The following B3GALT1 variants were observed in gnomAD, a reference collection of about 807,000 sequenced individuals.
The protein encoded by B3GALT1 is UDP-Gal:betaGlcNAc beta 1,3-galactosyltransferase, polypeptide 1.
B3GALT1 carries 10 observed loss-of-function variants against 23.2 expected under a neutral mutation model. That is an observed-to-expected ratio of 0.43 (90% CI 0.27 to 0.73). The LOEUF (loss-of-function observed/expected upper bound fraction) is 0.73. B3GALT1 is among the 30% of genes least tolerant of loss of function. B3GALT1 has a pLI of 0.21. For synonymous variants in B3GALT1, 156 were observed against 141.5 expected (o/e 1.10, Z -0.73); for missense variants, 299 against 405.4 (o/e 0.74, Z 2.25).
chr2:167,574,992 A>T (rs1684356944), intron 2 of B3GALT1, among the ~76,000 whole-genome samples: 1 of 151,698 alleles, frequency 6.6e-6, no homozygotes, highest in Admixed American at 6.6e-5. Context: ...TTACAGCATA[A>T]TGTCTCTAGA....
chr2:167,482,408 T>C (rs1037810599), intron 1 of B3GALT1, among the ~76,000 whole-genome samples: 4 of 152,200 alleles, frequency 2.6e-5, no homozygotes, highest in African/African-American at 9.7e-5. Flanking sequence ...TTAAAATAAA[T>C]TAACTCTTTC....
chr2:167,326,944 C>A (rs1484710928), intron 1 of B3GALT1, among the ~76,000 whole-genome samples: 5 of 152,078 alleles, frequency 3.3e-5, no homozygotes, highest in Non-Finnish European at 7.4e-5. Context: ...CCTGCCTCAG[C>A]CTCCCAAAGT....
At chr2:167,506,378 C>G (rs1699918705) in intron 2 of B3GALT1, among the ~76,000 whole-genome samples, 1 of 152,138 alleles carries the variant, frequency 6.6e-6, no homozygotes, top group South Asian at 2.1e-4. Context: ...AAATTAAATA[C>G]TTCTTAAAAA....
intron 2 of B3GALT1, among the ~76,000 whole-genome samples, chr2:167,582,802 T>A (rs540444857): frequency 6.6e-6 from 1 of 152,150 alleles, no homozygotes; most frequent in Non-Finnish European, 1.5e-5. Context: ...GAGGCTGATG[T>A]AATCCACGGT....
intron 1 of B3GALT1, among the ~76,000 whole-genome samples, chr2:167,480,612 C>T (rs759253064): frequency 6.6e-6 from 1 of 152,096 alleles, no homozygotes; most frequent in Admixed American, 6.5e-5. Flanking sequence ...AAAAAACAAA[C>T]AAACAAACGA....
chr2:167,851,826 A>G (rs558449277), intron 4 of B3GALT1, among the ~76,000 whole-genome samples: 18 of 152,288 alleles, frequency 1.2e-4, no homozygotes, highest in Admixed American at 8.5e-4. Context: ...GCACTTCTCT[A>G]CTAGTCTTCT....
intron 1 of B3GALT1, among the ~76,000 whole-genome samples, chr2:167,406,237 A>G (rs1698273289): frequency 6.6e-6 from 1 of 152,166 alleles, no homozygotes; most frequent in African/African-American, 2.4e-5. Flanking sequence ...GAAACTTTTC[A>G]TGACATGGGG....
intron 3 of B3GALT1, among the ~76,000 whole-genome samples, chr2:167,734,528 G>A (rs1687462336): frequency 6.6e-6 from 1 of 152,208 alleles, no homozygotes; most frequent in African/African-American, 2.4e-5. Context: ...CGTGCACCAT[G>A]TGAGTCCTTG....
chr2:167,523,733 A>G (rs1683165458), intron 2 of B3GALT1, among the ~76,000 whole-genome samples: 1 of 152,014 alleles, frequency 6.6e-6, no homozygotes, highest in South Asian at 2.1e-4. Context: ...CCTTATTTGT[A>G]AGCACTTCTG....
intron 1 of B3GALT1, among the ~76,000 whole-genome samples, chr2:167,352,219 G>A (rs1343318949): frequency 7.6e-5 from 11 of 144,924 alleles, no homozygotes; most frequent in Non-Finnish European, 1.0e-4. Context: ...CGCCCACCTC[G>A]ACCTCCCAAA....
At chr2:167,531,001 A>C (rs965760211) in intron 2 of B3GALT1, among the ~76,000 whole-genome samples, 1 of 152,192 alleles carries the variant, frequency 6.6e-6, no homozygotes, top group Non-Finnish European at 1.5e-5. Flanking sequence ...AGAACTGTTT[A>C]GCCATTTCAA....
chr2:167,842,220 G>C (rs1464651064), intron 4 of B3GALT1, among the ~76,000 whole-genome samples: 1 of 152,200 alleles, frequency 6.6e-6, no homozygotes, highest in Non-Finnish European at 1.5e-5. Context: ...ATTTGAGCCT[G>C]AGTTTAAAAT....
At chr2:167,588,058 A>C (rs543482038) in intron 2 of B3GALT1, among the ~76,000 whole-genome samples, 1 of 152,136 alleles carries the variant, frequency 6.6e-6, no homozygotes, top group Non-Finnish European at 1.5e-5. Context: ...TTGCTTACTG[A>C]TCCTGATGAA....
chr2:167,648,342 AT>A (rs1234110481), intron 3 of B3GALT1, among the ~76,000 whole-genome samples: 2 of 151,232 alleles, frequency 1.3e-5, no homozygotes, highest in Non-Finnish European at 3.0e-5. Context: ...TCCAAACTCA[AT>A]TTTTTTTTCT....
intron 2 of B3GALT1, among the ~76,000 whole-genome samples, chr2:167,593,437 T>C (rs1348138454): frequency 6.6e-6 from 1 of 152,198 alleles, no homozygotes; most frequent in African/African-American, 2.4e-5. Context: ...GTGCAAAGTT[T>C]GTGTGTTAGA....
intron 2 of B3GALT1, among the ~76,000 whole-genome samples, chr2:167,555,895 A>G (rs909302831): frequency 1.3e-5 from 2 of 152,210 alleles, no homozygotes; most frequent in African/African-American, 4.8e-5. Flanking sequence ...GATTATACCA[A>G]CATGCACAAT....
chr2:167,551,589 A>G (rs1381320400), intron 2 of B3GALT1, among the ~76,000 whole-genome samples: 3 of 152,214 alleles, frequency 2.0e-5, no homozygotes, highest in East Asian at 1.9e-4. Context: ...GATAGAAATC[A>G]GCCAACAGCC....
chr2:167,710,735 T>A (rs13023329), intron 3 of B3GALT1, among the ~76,000 whole-genome samples: 46,124 of 152,072 alleles, frequency 0.3, 7,759 homozygotes, highest in Non-Finnish European at 0.4. Context: ...TTTAACGTGA[T>A]CATCCTTGGT....
chr2:167,798,860 A>G (rs1688587155), intron 3 of B3GALT1, among the ~76,000 whole-genome samples: 1 of 152,202 alleles, frequency 6.6e-6, no homozygotes, highest in Admixed American at 6.5e-5. Flanking sequence ...TGCCATCGTT[A>G]TACCACTAAA....
Sources: gnomAD v4.1 joint callset for allele counts (sites outside exome capture counted in the v4.1 genomes callset) on GRCh38, gnomAD v4.1.1 for gene constraint, MANE v1.5 for transcripts, NCBI Gene and HGNC (gene_info 2026-07-23, HGNC 2026-07-21) for gene names.